The following ROBO1 variants were observed in gnomAD, a reference collection of about 807,000 sequenced individuals.
The protein encoded by ROBO1 is roundabout guidance receptor 1.
ROBO1 carries 149 observed loss-of-function variants against 195.9 expected under a neutral mutation model. The ratio of observed to expected loss-of-function variants is 0.76; its 90% CI spans 0.67 to 0.87. The LOEUF is 0.87. Ranked by LOEUF, ROBO1 falls within the 40% of genes least tolerant of loss-of-function variation. The probability of loss-of-function intolerance (pLI) is 0.00; values close to 1 mark genes in which losing one functional copy is unlikely to be tolerated. For synonymous variants in ROBO1, 816 were observed against 733.2 expected (o/e 1.11, Z -1.82); for missense variants, 1,933 against 2,068.3 (o/e 0.93, Z 1.27).
At chr3:79,650,701 A>G (rs1482704240) in intron 1 of ROBO1, among the ~76,000 whole-genome samples, 1 of 151,884 alleles carries the variant, frequency 6.6e-6, no homozygotes, top group Non-Finnish European at 1.5e-5. Context: ...TTAGAGCTCA[A>G]TGGATAAATG....
At chr3:79,563,422 C>T (rs1942989223) in intron 2 of ROBO1, among the ~76,000 whole-genome samples, 1 of 151,962 alleles carries the variant, frequency 6.6e-6, no homozygotes, top group Admixed American at 6.6e-5. Flanking sequence ...GTAATTTATT[C>T]CTTTGGTATT....
intron 3 of ROBO1, among the ~76,000 whole-genome samples, chr3:79,023,412 G>T (rs1307713519): frequency 6.6e-6 from 1 of 152,198 alleles, no homozygotes; most frequent in African/African-American, 2.4e-5. Flanking sequence ...TAAAAGGAGA[G>T]TAAATTGAGA....
At chr3:79,547,819 T>C (rs1942326564) in intron 2 of ROBO1, among the ~76,000 whole-genome samples, 1 of 152,158 alleles carries the variant, frequency 6.6e-6, no homozygotes, top group African/African-American at 2.4e-5. Flanking sequence ...TGCTATCTAA[T>C]GGAAATAGGA....
rs150731378 is a variant in ROBO1 at position 78,760,796 on chromosome 3, T to C, written c.500-13896A>G. ...AGCTGGGACTGGAGGTGTGTGCTAC[T>C]GTGCCCAGCCAAATTTTTATTTTTT... is the stretch of plus-strand genomic sequence containing the variant. On this transcript the variant is annotated intron_variant, in intron 4 of 30. Transcript: ENST00000464233. 2.5e-3 allele frequency among the ~76,000 whole-genome samples: 374 copies of C among 151,868 alleles called. 1 individual carries two copies. The highest frequency in any genetic ancestry group is 8.7e-3 in the African/African-American group (358 of 41,290).
At chr3:79,358,638 G>A (rs1383489828) in intron 2 of ROBO1, among the ~76,000 whole-genome samples, 1 of 151,952 alleles carries the variant, frequency 6.6e-6, no homozygotes. Flanking sequence ...TCCCATGCTG[G>A]ACGTCTGGAT....
rs139529706 is a variant in ROBO1 at position 79,018,735 on chromosome 3, A to G, written c.173-79808T>C. Reference sequence around the variant, plus strand: ...ACACTTTCAAGAACCATCCAAAGCGAACAACAAAGAGCCGAGGCAGAAGCG... The same window carrying G: ...ACACTTTCAAGAACCATCCAAAGCGGACAACAAAGAGCCGAGGCAGAAGCG... On this transcript the variant is annotated intron_variant, in intron 3 of 30. Transcript: ENST00000464233. The G allele has an allele frequency of 7.6e-4, 924 of 1,221,650 alleles. 10 individuals carry two copies. The African/African-American group carries it at 0.012, about 17-fold the overall frequency. 75.7% of individuals were successfully genotyped at this position (1,221,650 alleles called of 1,614,324 possible).
intron 3 of ROBO1, among the ~76,000 whole-genome samples, chr3:79,036,330 G>A (rs2078380864): frequency 6.6e-6 from 1 of 151,896 alleles, no homozygotes. Context: ...AGCAAGTGAT[G>A]TGAATTTATT....
intron 3 of ROBO1, among the ~76,000 whole-genome samples, chr3:78,960,813 C>A (rs1022222258): frequency 2.6e-5 from 4 of 151,270 alleles, no homozygotes; most frequent in Non-Finnish European, 5.9e-5. Flanking sequence ...CACACACACA[C>A]ACACACACAC....
chr3:79,201,681 T>C (rs2081766858), intron 2 of ROBO1, among the ~76,000 whole-genome samples: 1 of 151,906 alleles, frequency 6.6e-6, no homozygotes, highest in Non-Finnish European at 1.5e-5. Context: ...GGACAAATTA[T>C]GAATAAATCT....
At chr3:78,688,579 T>C (rs2081101096) in intron 9 of ROBO1, 69 bp downstream of exon 9, 1 of 1,452,838 alleles carries the variant, frequency 6.9e-7, no homozygotes, top group Non-Finnish European at 9.1e-7. Context: ...ATATGTTGGT[T>C]TTTCTTCTCA....
At chr3:79,699,024 G>A (rs763891575) in intron 1 of ROBO1, among the ~76,000 whole-genome samples, 20 of 150,460 alleles carry the variant, frequency 1.3e-4, no homozygotes, top group Non-Finnish European at 2.2e-4. Flanking sequence ...GCACTGTGTA[G>A]TTTTTTTCAA....
intron 2 of ROBO1, among the ~76,000 whole-genome samples, chr3:79,484,411 G>C (rs932543590): frequency 1.3e-5 from 2 of 152,006 alleles, no homozygotes; most frequent in African/African-American, 4.8e-5. Context: ...TATTCTTGTA[G>C]ATTTAAAGTC....
At position 78,617,935 on chromosome 3, in the gene ROBO1, C is replaced by G. The variant is rs1276689991; in HGVS notation, c.3982G>C (p.Glu1328Gln). The change falls in exon 27 of 31, where the codon GAA becomes CAA. Residue 1328 changes from glutamate to glutamine, a missense_variant. Glu to Gln is a conservative substitution (Grantham distance 29). Coordinates refer to ENST00000464233, the MANE Select transcript of ROBO1 (RefSeq NM_002941.4). ...LVSDMDTDAP[E>Q]EEEDEADMEV... The stretch of plus-strand genomic sequence containing the variant: ...ATGTCGGCTTCGTCTTCTTCCTCTT[C>G]TGGCGCATCCGTATCCATATCTGAG... 2 of 1,613,866 alleles carry G rather than the reference C, an allele frequency of 1.2e-6. No homozygotes were observed. Among genetic ancestry groups the G allele is most frequent in the African/African-American group, 2.7e-5 (2 of 74,932 alleles).
intron 1 of ROBO1, among the ~76,000 whole-genome samples, chr3:79,606,589 A>T (rs1178867514): frequency 6.6e-6 from 1 of 151,754 alleles, no homozygotes; most frequent in East Asian, 1.9e-4. Context: ...TTTATGTATT[A>T]CTTAACCTGT....
chr3:79,354,647 G>A (rs927050678), intron 2 of ROBO1, among the ~76,000 whole-genome samples: 3 of 152,066 alleles, frequency 2.0e-5, no homozygotes, highest in Non-Finnish European at 2.9e-5. Flanking sequence ...ACCTTTTATA[G>A]ATTTGTCTTG....
chr3:78,620,904 T>TGTGTGTGTGTGTGTGTATACATATAA (rs1704417621), intron 26 of ROBO1, among the ~76,000 whole-genome samples: 1 of 151,310 alleles, frequency 6.6e-6, no homozygotes, highest in African/African-American at 2.4e-5. Context: ...TGTGTGTGTG[T>TGTGTGTGTGTGTGTGTATACATATAA]GTATACATAT....
At chr3:79,169,964 A>T (rs925360005) in intron 2 of ROBO1, among the ~76,000 whole-genome samples, 1 of 152,318 alleles carries the variant, frequency 6.6e-6, no homozygotes, top group Admixed American at 6.5e-5. Flanking sequence ...AAGTACAAAA[A>T]TGTAAATACA....
intron 3 of ROBO1, among the ~76,000 whole-genome samples, chr3:79,107,355 T>C (rs1385477105): frequency 6.6e-6 from 1 of 151,886 alleles, no homozygotes. Flanking sequence ...GATTATCTGA[T>C]AAATTGTGTT....
At chr3:78,649,827 A>G (rs983777895) in intron 19 of ROBO1, among the ~76,000 whole-genome samples, 12 of 152,188 alleles carry the variant, frequency 7.9e-5, no homozygotes, top group Admixed American at 6.6e-5. Context: ...CACAAAGAGC[A>G]CATAGGCATT....
Sources: gnomAD v4.1 joint callset for allele counts (sites outside exome capture counted in the v4.1 genomes callset) on GRCh38, gnomAD v4.1.1 for gene constraint, MANE v1.5 for transcripts, NCBI Gene and HGNC (gene_info 2026-07-23, HGNC 2026-07-21) for gene names.